The following MCF2L variants were observed in gnomAD, a reference collection of about 807,000 sequenced individuals.
The protein encoded by MCF2L is guanine nucleotide exchange factor DBS.
In MCF2L, 97 loss-of-function variants were observed where a neutral mutation model predicts 153.4. The ratio of observed to expected loss-of-function variants is 0.63; its 90% CI spans 0.54 to 0.75. MCF2L has a LOEUF of 0.75. Among genes scored for constraint, MCF2L ranks in the 30% least tolerant of loss-of-function variants. The probability of loss-of-function intolerance (pLI) is 0.00; values close to 1 mark genes in which losing one functional copy is unlikely to be tolerated. For synonymous variants in MCF2L, 659 were observed against 632.2 expected (o/e 1.04, Z -0.64); for missense variants, 1,347 against 1,495.2 (o/e 0.90, Z 1.64).
chr13:113,036,769 G>A (rs3011505), intron 3 of MCF2L, among the ~76,000 whole-genome samples: 24,166 of 152,230 alleles, frequency 0.16, 2,444 homozygotes, highest in East Asian at 0.38. Context: ...CCAGTGGGTG[G>A]CCCCCCAACT....
chr13:113,089,977 G>A, intron 26 of MCF2L: 3 of 1,599,536 alleles, frequency 1.9e-6, no homozygotes, highest in South Asian at 1.1e-5. Flanking sequence ...GTGCAACCCG[G>A]AGCCGCCTTG....
Position 113,077,209 on chromosome 13 carries a change from C to A in MCF2L, c.1658C>A (p.Pro553Gln). The A allele has an allele frequency of 1.9e-6, 3 of 1,573,530 alleles. No individual in the cohort carries two copies. The highest frequency in any genetic ancestry group is 2.3e-5 in the East Asian group (1 of 43,042). Residue 553 changes from proline (P) to glutamine (Q), a missense_variant and splice_region_variant, in exon 13 of 30, where the codon CCA (proline) becomes CAA (glutamine). By Grantham distance (76) the Pro-to-Gln change is moderately conservative (BLOSUM62 -1). This residue lies in a region of MCF2L where 820 missense variants were observed against 921.2 expected (regional missense o/e 0.89). Coordinates refer to ENST00000535094, the MANE Select transcript of MCF2L (RefSeq NM_001112732.3). Reference protein sequence around the residue: ...EALAKSPCPSPGIRRGSENSS... With the variant: ...EALAKSPCPSQGIRRGSENSS... ...CTGGCAAAGTCGCCCTGCCCCTCCCCAGGTCTGTGTGGCCGCCCGGTGCCC... is the reference window on the plus strand; with the variant it reads ...CTGGCAAAGTCGCCCTGCCCCTCCCAAGGTCTGTGTGGCCGCCCGGTGCCC...
At chr13:113,084,833 A>T in intron 18 of MCF2L, 59 bp from the exon 19 acceptor site, 1 of 1,322,352 alleles carries the variant, frequency 7.6e-7, no homozygotes, top group East Asian at 2.3e-5. Flanking sequence ...CCCGTCCCTC[A>T]CCGCGTGATG....
chr13:113,038,944 G>A (rs982557369), intron 3 of MCF2L, among the ~76,000 whole-genome samples: 24 of 152,094 alleles, frequency 1.6e-4, no homozygotes, highest in African/African-American at 9.7e-5. Flanking sequence ...TGCAAGCGCC[G>A]CCTCCCGGGT....
Position 113,074,359 on chromosome 13 carries a change from T to C in MCF2L, c.997-85T>C. The stretch of plus-strand genomic sequence containing the variant: ...CTTGGCCCGACTTTGAATTCTGTCA[T>C]TTCCCTGATCTGGAGCACTGGAGTG... On this transcript the variant is annotated intron_variant, in intron 9 of 29. Coordinates refer to ENST00000535094, the MANE Select transcript of MCF2L (RefSeq NM_001112732.3). The surrounding 1 kb of genome is among the most constrained non-coding windows in gnomAD (Gnocchi z 4.2). 6.5e-7 allele frequency: 1 copy of C among 1,533,430 alleles called. No homozygotes were observed. The highest frequency in any genetic ancestry group is 9.0e-7 in the Non-Finnish European group (1 of 1,116,350). The allele number at this position is 1,533,430 out of a possible 1,614,324, so 95.0% of individuals were successfully genotyped here.
At chr13:113,044,535 C>G in intron 3 of MCF2L, 10 of 1,231,006 alleles carry the variant, frequency 8.1e-6, no homozygotes, top group East Asian at 2.6e-5. Flanking sequence ...TAGGCATGCC[C>G]GTGTGGTTGT....
chr13:113,082,378 C>CA (rs767265728), intron 16 of MCF2L, 49 bp from the exon 17 acceptor site: 6 of 1,132,428 alleles, frequency 5.3e-6, no homozygotes, highest in Admixed American at 5.1e-5. Context: ...CCTGCCCCCC[C>CA]ACAGCATCAG....
chr13:112,995,398 A>G (rs2083083600), intron 1 of MCF2L, among the ~76,000 whole-genome samples: 1 of 152,224 alleles, frequency 6.6e-6, no homozygotes, highest in Admixed American at 6.5e-5. Context: ...AAGCTGTATG[A>G]GAGCTTAGGG....
chr13:113,081,332 C>T, intron 16 of MCF2L, 53 bp downstream of exon 16: 1 of 1,504,596 alleles, frequency 6.6e-7, no homozygotes, highest in Non-Finnish European at 9.0e-7. Context: ...CCTGGGCCAG[C>T]TGGTGGGGCT....
At chr13:112,989,820 C>A (rs2082828138) in intron 1 of MCF2L, among the ~76,000 whole-genome samples, 1 of 152,248 alleles carries the variant, frequency 6.6e-6, no homozygotes, top group South Asian at 2.1e-4. Context: ...AACCAGCAGT[C>A]CCCAATCTTT....
At chr13:113,058,874 G>A (rs1215396541) in intron 4 of MCF2L, among the ~76,000 whole-genome samples, 1 of 146,996 alleles carries the variant, frequency 6.8e-6, no homozygotes, top group Non-Finnish European at 1.5e-5. Context: ...TGTGGGCGCT[G>A]TGTATTTGGG....
At position 113,031,078 on chromosome 13, in the gene MCF2L, C is replaced by G. The variant is rs61966380; in HGVS notation, c.278+6320C>G. 1.1e-5 allele frequency among the ~76,000 whole-genome samples: 1 copy of G among 91,868 alleles called. No individual in the cohort carries two copies. The highest frequency in any genetic ancestry group is 2.1e-5 in the Non-Finnish European group (1 of 48,164). 60.3% of individuals were successfully genotyped at this position (91,868 alleles called of 152,430 possible). A position where few individuals can be genotyped will look rare whatever the true frequency, so the allele number is the denominator to read the frequency against. ...ATACAGACAGAGAGACAGAGACAGA[C>G]AGATACAGACAGAGACAGAGACAGA... On this transcript the variant is annotated intron_variant, in intron 3 of 29. Coordinates refer to ENST00000535094, the MANE Select transcript of MCF2L (RefSeq NM_001112732.3). The surrounding 1 kb of genome is among the most constrained non-coding windows in gnomAD (Gnocchi z 5.5).
At chr13:113,078,765 A>C (rs1237016571) in intron 15 of MCF2L, 26 bp downstream of exon 15, 1 of 1,577,928 alleles carries the variant, frequency 6.3e-7, no homozygotes, top group Non-Finnish European at 8.6e-7. Context: ...TTCTGTCCTC[A>C]CAGGGGCCCT....
intron 2 of MCF2L, among the ~76,000 whole-genome samples, chr13:112,933,343 C>G (rs34708520): frequency 0.061 from 9,277 of 152,296 alleles, 367 homozygotes; most frequent in South Asian, 0.16. Context: ...AGCTGTGCTC[C>G]AGGAATACTG....
At chr13:112,914,602 G>A (rs2140536595) in intron 2 of MCF2L, among the ~76,000 whole-genome samples, 1 of 152,346 alleles carries the variant, frequency 6.6e-6, no homozygotes, top group African/African-American at 2.4e-5. Flanking sequence ...TCCCTGCAGA[G>A]GTGTCTGATG....
chr13:113,026,012 G>T (rs868233063), intron 3 of MCF2L, among the ~76,000 whole-genome samples: 2 of 70,960 alleles, frequency 2.8e-5, no homozygotes, highest in African/African-American at 5.4e-5. Context: ...GTTTCATCAT[G>T]GTGGGGTCCC....
At chr13:112,911,770 C>T (rs2081236112) in intron 2 of MCF2L, among the ~76,000 whole-genome samples, 1 of 152,248 alleles carries the variant, frequency 6.6e-6, no homozygotes. Context: ...CTTCCGTCTT[C>T]CTCTCTTCCG....
rs2141990940 is a variant in MCF2L at position 113,081,267 on chromosome 13, G to A, written c.1863G>A (p.Leu621=). 6.3e-7 allele frequency: 1 copy of A among 1,588,482 alleles called. No individual in the cohort carries two copies. Among genetic ancestry groups the A allele is most frequent in the South Asian group, 1.2e-5 (1 of 86,438 alleles). Residue 621 remains leucine (L), a synonymous_variant, in exon 16 of 30, where the codon CTG becomes CTA. Transcript: ENST00000535094. ...AACGGGCCTACGTGGAGGAGCTGCT[G>A]TGCGTCCTGGAGGTGAGGCTGGACT... ...DTERAYVEEL[L]CVLEGYAAEM...
chr13:113,046,784 A>G lies in MCF2L; in HGVS notation c.369+1423A>G, dbSNP rs11839935. On this transcript the variant is annotated intron_variant, in intron 4 of 29. Transcript: ENST00000535094. This position sits in a 1 kb window ranked among gnomAD's most constrained non-coding sequence, Gnocchi z 4.4. ...ACCCTGACTCAACCTGGCACACACCACCTATGGCATCGTTATCTGAAATAA... is the reference window on the plus strand; with the variant it reads ...ACCCTGACTCAACCTGGCACACACCGCCTATGGCATCGTTATCTGAAATAA... 1.9e-3 allele frequency: 792 copies of G among 416,322 alleles called. 5 individuals carry two copies. Among genetic ancestry groups the G allele is most frequent in the African/African-American group, 0.016 (749 of 48,132 alleles). 25.8% of individuals were successfully genotyped at this position (416,322 alleles called of 1,614,324 possible). A position where few individuals can be genotyped will look rare whatever the true frequency, so the allele number is the denominator to read the frequency against.
Sources: allele counts gnomAD v4.1 joint callset (sites outside exome capture counted in the v4.1 genomes callset), GRCh38; gene constraint gnomAD v4.1.1; regional missense constraint gnomAD v4.1.1; non-coding constraint Gnocchi (gnomAD v3.1); transcripts MANE v1.5; gene names NCBI Gene and HGNC (gene_info 2026-07-23, HGNC 2026-07-21).